Variants in SEZ6L observed in about 807,000 individuals in gnomAD.
SEZ6L encodes seizure related 6 homolog like, also known as seizure 6-like protein.
In SEZ6L, 37 loss-of-function variants were observed where a neutral mutation model predicts 106.2. The ratio of observed to expected loss-of-function variants is 0.35; its 90% CI spans 0.27 to 0.46. The LOEUF is 0.46. Among genes scored for constraint, SEZ6L ranks in the 20% least tolerant of loss-of-function variants. The probability of loss-of-function intolerance (pLI) is 1.00; values close to 1 mark genes in which losing one functional copy is unlikely to be tolerated. For missense variants in SEZ6L, 1,172 were observed against 1,332.8 expected (o/e 0.88, Z 1.88); for synonymous variants, 541 against 570.4 (o/e 0.95, Z 0.73).
chr22:26,334,279 ATTC>A (rs1160681043), intron 9 of SEZ6L, among the ~76,000 whole-genome samples: 2 of 152,096 alleles, frequency 1.3e-5, no homozygotes, highest in Non-Finnish European at 2.9e-5. Context: ...ATTGTTCCGC[ATTC>A]TTCTCCTCAC....
chr22:26,257,068 G>T (rs182254651), intron 1 of SEZ6L, among the ~76,000 whole-genome samples: 1 of 152,136 alleles, frequency 6.6e-6, no homozygotes, highest in Non-Finnish European at 1.5e-5. Flanking sequence ...GTTTTTGATG[G>T]TCACAACATC....
chr22:26,324,123 C>T (rs1286687004), intron 9 of SEZ6L, among the ~76,000 whole-genome samples: 5 of 151,164 alleles, frequency 3.3e-5, no homozygotes, highest in African/African-American at 7.3e-5. Context: ...CACACACAAA[C>T]GGTAGGGAAG....
chr22:26,358,902 C>T (rs774396689), intron 12 of SEZ6L, among the ~76,000 whole-genome samples: 24 of 152,196 alleles, frequency 1.6e-4, no homozygotes, highest in Non-Finnish European at 3.1e-4. Context: ...CAGCCCCCAC[C>T]ACAAAGAATT....
intron 1 of SEZ6L, among the ~76,000 whole-genome samples, chr22:26,195,670 C>A (rs879325857): frequency 5.9e-5 from 9 of 152,032 alleles, no homozygotes; most frequent in Non-Finnish European, 1.3e-4. Context: ...GGTCTCCATG[C>A]TCAATCTATC....
At chr22:26,307,488 A>G (rs1294420700) in intron 6 of SEZ6L, among the ~76,000 whole-genome samples, 1 of 151,988 alleles carries the variant, frequency 6.6e-6, no homozygotes, top group Non-Finnish European at 1.5e-5. Flanking sequence ...TAAAAAAAAA[A>G]AAAAGACAAC....
chr22:26,336,047 C>T (rs2082635017), intron 9 of SEZ6L, among the ~76,000 whole-genome samples: 1 of 152,154 alleles, frequency 6.6e-6, no homozygotes, highest in South Asian at 2.1e-4. Flanking sequence ...GGAAGAAGGG[C>T]TCAGACTGGA....
At chr22:26,191,541 C>T (rs1940210319) in intron 1 of SEZ6L, among the ~76,000 whole-genome samples, 1 of 146,648 alleles carries the variant, frequency 6.8e-6, no homozygotes, top group African/African-American at 2.6e-5. Context: ...ATTATGAGAA[C>T]ACATGGACAC....
chr22:26,329,195 C>A (rs1432319562), intron 9 of SEZ6L, among the ~76,000 whole-genome samples: 1 of 152,082 alleles, frequency 6.6e-6, no homozygotes, highest in South Asian at 2.1e-4. Context: ...AGGCTGGGCA[C>A]GGTGGCTCAA....
chr22:26,291,943 A>G (rs2081122287), intron 1 of SEZ6L, among the ~76,000 whole-genome samples: 1 of 151,524 alleles, frequency 6.6e-6, no homozygotes, highest in African/African-American at 2.4e-5. Flanking sequence ...TGCTTAGCTC[A>G]GTCCTGGCAT....
At chr22:26,349,528 CAT>C (rs1384124429) in intron 11 of SEZ6L, among the ~76,000 whole-genome samples, 2 of 152,194 alleles carry the variant, frequency 1.3e-5, no homozygotes, top group African/African-American at 4.8e-5. Flanking sequence ...ACATGTCACA[CAT>C]AGACATCTAT....
intron 10 of SEZ6L, among the ~76,000 whole-genome samples, chr22:26,345,491 C>A (rs2082977893): frequency 6.6e-6 from 1 of 152,180 alleles, no homozygotes. Flanking sequence ...TCCCATTTCT[C>A]CCCTTTCATC....
chr22:26,319,521 T>C (rs2145940364), intron 9 of SEZ6L, among the ~76,000 whole-genome samples: 2 of 152,320 alleles, frequency 1.3e-5, no homozygotes, highest in East Asian at 3.9e-4. Context: ...CATTTGACCA[T>C]ATTAGCCTTC....
chr22:26,324,441 T>G (rs1256938408), intron 9 of SEZ6L, among the ~76,000 whole-genome samples: 1 of 152,162 alleles, frequency 6.6e-6, no homozygotes, highest in Non-Finnish European at 1.5e-5. Flanking sequence ...ACCTGTTCTG[T>G]GCTAAGTTAA....
chr22:26,241,709 T>G (rs1205865222), intron 1 of SEZ6L, among the ~76,000 whole-genome samples: 3 of 152,150 alleles, frequency 2.0e-5, no homozygotes, highest in Non-Finnish European at 4.4e-5. Context: ...TTTCATTACA[T>G]TTTAAAAACA....
chr22:26,317,122 A>G (rs2082028524), intron 9 of SEZ6L, among the ~76,000 whole-genome samples: 1 of 152,126 alleles, frequency 6.6e-6, no homozygotes, highest in Non-Finnish European at 1.5e-5. Context: ...GTGGGTAGAG[A>G]CTACAGAGGG....
At chr22:26,280,187 G>C (rs2080715673) in intron 1 of SEZ6L, among the ~76,000 whole-genome samples, 1 of 152,038 alleles carries the variant, frequency 6.6e-6, no homozygotes, top group Non-Finnish European at 1.5e-5. Flanking sequence ...ATACAGCTGT[G>C]CCATTCTTTT....
At chr22:26,221,749 C>T (rs1190215808) in intron 1 of SEZ6L, among the ~76,000 whole-genome samples, 2 of 143,172 alleles carry the variant, frequency 1.4e-5, no homozygotes, top group African/African-American at 6.0e-5. Context: ...TGCACACACA[C>T]ACACACACAC....
chr22:26,228,682 G>C (rs1436406090), intron 1 of SEZ6L, among the ~76,000 whole-genome samples: 1 of 152,160 alleles, frequency 6.6e-6, no homozygotes, highest in Non-Finnish European at 1.5e-5. Flanking sequence ...GGCTTGCTTA[G>C]AGCAAAGTAC....
At chr22:26,189,127 G>A (rs1439326758) in intron 1 of SEZ6L, among the ~76,000 whole-genome samples, 1 of 152,034 alleles carries the variant, frequency 6.6e-6, no homozygotes, top group African/African-American at 2.4e-5. Flanking sequence ...CTTGTCAATA[G>A]TCAATTAAAA....
Sources: allele counts gnomAD v4.1 joint callset (sites outside exome capture counted in the v4.1 genomes callset), GRCh38; gene constraint gnomAD v4.1.1; transcripts MANE v1.5; gene names NCBI Gene and HGNC (gene_info 2026-07-23, HGNC 2026-07-21).